Variants in LEF1 observed in about 807,000 individuals in gnomAD.
LEF1 encodes the protein lymphoid enhancer binding factor 1.
In LEF1, 14 loss-of-function variants were observed where a neutral mutation model predicts 51.2. The ratio of observed to expected loss-of-function variants is 0.27; its 90% CI spans 0.18 to 0.43. LEF1 has a LOEUF of 0.43. Ranked by LOEUF, LEF1 falls within the 20% of genes least tolerant of loss-of-function variation. The pLI is 1.00. For synonymous variants in LEF1, 185 were observed against 183.2 expected, an observed-to-expected ratio of 1.01 and a Z score of -0.08; for missense variants, 386 against 512.0, an observed-to-expected ratio of 0.75 and a Z score of 2.37.
rs1415048582 is a variant in LEF1, at chr4:108,167,616, G to C, written c.152C>G (p.Ala51Gly). Residue 51 changes from alanine (A) to glycine (G), a missense_variant, in exon 1 of 12, where the codon GCT becomes GGT. Coordinates refer to ENST00000265165, the MANE Select transcript of LEF1 (RefSeq NM_016269.5). This position sits in a 1 kb window ranked among gnomAD's most constrained non-coding sequence, Gnocchi z 5.7. ...GTTCACCAAGGAAGACTTGATGTCA[G>C]CTAAATCGCCTTCCTCTTCGGGATG... The part of the protein sequence containing the change: ...ISHPEEEGDL[A>G]DIKSSLVNES... 6.2e-7 allele frequency: 1 copy of C among 1,614,100 alleles called. No homozygotes were observed. The highest frequency in any genetic ancestry group is 8.5e-7 in the Non-Finnish European group (1 of 1,180,036).
intron 3 of LEF1, among the ~76,000 whole-genome samples, chr4:108,095,618 C>T (rs759057718): frequency 6.6e-6 from 1 of 152,110 alleles, no homozygotes; most frequent in Non-Finnish European, 1.5e-5. Flanking sequence ...ACTGATATTA[C>T]CAGAGGCAAT....
Position 108,167,511 on chromosome 4 carries a change from G to C in LEF1, c.213+44C>G. ...CCTTCCTCCCTCTCTGAGTTTCCCA[G>C]GGACCCGCCACGCCTCTCGGAACTG... On this transcript the variant is annotated intron_variant, in intron 1 of 11. Coordinates refer to ENST00000265165, the MANE Select transcript of LEF1 (RefSeq NM_016269.5). This position sits in a 1 kb window ranked among gnomAD's most constrained non-coding sequence, Gnocchi z 5.7. The C allele has an allele frequency of 6.3e-7, 1 of 1,599,968 alleles. No homozygotes were observed. The highest frequency in any genetic ancestry group is 8.5e-7 in the Non-Finnish European group (1 of 1,169,898).
chr4:108,088,979 T>C (rs1739828463), intron 4 of LEF1, 146 bp downstream of exon 4: 2 of 856,238 alleles, frequency 2.3e-6, no homozygotes, highest in Non-Finnish European at 3.8e-6. Context: ...AGAATTGCTA[T>C]CAAATGAATT....
intron 3 of LEF1, among the ~76,000 whole-genome samples, chr4:108,108,510 CT>C (rs936864527): frequency 7.2e-5 from 11 of 152,100 alleles, no homozygotes; most frequent in African/African-American, 2.7e-4. Flanking sequence ...TGTTCTCCTT[CT>C]GTATGTATAA....
chr4:108,083,418 A>C lies in LEF1; in HGVS notation c.576T>G (p.Asp192Glu). The change falls in exon 5 of 12, where the codon GAT becomes GAG. Residue 192 changes from aspartate (D) to glutamate (E), a missense_variant. Physicochemically the swap from Asp to Glu is conservative, Grantham distance 45 (BLOSUM62 2). Coordinates refer to ENST00000265165, the MANE Select transcript of LEF1 (RefSeq NM_016269.5). ...QGMSRHPPAPDIPTFYPLSPG... is the reference protein window; with the variant it reads ...QGMSRHPPAPEIPTFYPLSPG... ...GAGACAAGGGATAAAAAGTAGGGAT[A>C]TCAGGAGCTGGAGGATGTCTGGACA... is the stretch of plus-strand genomic sequence containing the variant. The C allele has an allele frequency of 6.2e-7, 1 of 1,613,582 alleles. No homozygotes were observed. Among genetic ancestry groups the C allele is most frequent in the Non-Finnish European group, 8.5e-7 (1 of 1,179,570 alleles).
intron 11 of LEF1, among the ~76,000 whole-genome samples, chr4:108,049,290 C>A (rs1736825942): frequency 6.6e-6 from 1 of 152,172 alleles, no homozygotes; most frequent in Admixed American, 6.5e-5. Context: ...TCCTTAAGAT[C>A]TTACAATTTT....
chr4:108,083,570 C>T (rs1008871617), intron 4 of LEF1, 124 bp from the exon 5 acceptor site: 1 of 601,126 alleles, frequency 1.7e-6, no homozygotes, highest in Admixed American at 3.6e-5. Flanking sequence ...TTCACCAGAT[C>T]CAAGGAACAG....
chr4:108,091,874 A>G lies in LEF1; in HGVS notation c.415-2617T>C, dbSNP rs1281561220. On this transcript the variant is annotated intron_variant, in intron 3 of 11. Coordinates refer to ENST00000265165, the MANE Select transcript of LEF1 (RefSeq NM_016269.5). ...AAATGTTAAAATCGATAGATTTCAA[A>G]TATACTTTAGAATAATGGCTTTCAG... 3.9e-5 allele frequency among the ~76,000 whole-genome samples: 6 copies of G among 152,240 alleles called. No individual in the cohort carries two copies. The South Asian group carries it at 1.0e-3, about 26-fold the overall frequency.
At position 108,099,626 on chromosome 4, in the gene LEF1, C is replaced by T. The variant is rs1462809807; in HGVS notation, c.415-10369G>A. ...TATATATATATATATATAAATAATA[C>T]TTGAAATTATGGGGTACGTGTGCAG... On this transcript the variant is annotated intron_variant, in intron 3 of 11. Coordinates refer to ENST00000265165, the MANE Select transcript of LEF1 (RefSeq NM_016269.5). Among the ~76,000 whole-genome samples, 17 of 110,794 alleles carry T rather than the reference C, an allele frequency of 1.5e-4. No individual in the cohort carries two copies. The South Asian group carries it at 2.6e-3, about 17-fold the overall frequency. 72.7% of individuals were successfully genotyped at this position (110,794 alleles called of 152,430 possible). A position where few individuals can be genotyped will look rare whatever the true frequency, so the allele number is the denominator to read the frequency against.
At chr4:108,054,125 A>C (rs1490934737) in intron 11 of LEF1, among the ~76,000 whole-genome samples, 1 of 152,164 alleles carries the variant, frequency 6.6e-6, no homozygotes, top group Non-Finnish European at 1.5e-5. Context: ...GTGGGCTCTA[A>C]GGACTGACAG....
chr4:108,064,717 T>G (rs574317963), intron 9 of LEF1, among the ~76,000 whole-genome samples: 1 of 150,006 alleles, frequency 6.7e-6, no homozygotes, highest in African/African-American at 2.5e-5. Context: ...GCTGTGGCCA[T>G]AGAGCCTTCT....
chr4:108,074,852 G>A (rs1249792953), intron 8 of LEF1, among the ~76,000 whole-genome samples: 4 of 152,240 alleles, frequency 2.6e-5, no homozygotes, highest in Admixed American at 2.6e-4. Context: ...TTAAGAATAG[G>A]AAGCATACCT....
intron 11 of LEF1, among the ~76,000 whole-genome samples, chr4:108,062,095 T>C (rs1737730331): frequency 6.6e-6 from 1 of 152,122 alleles, no homozygotes; most frequent in Admixed American, 6.5e-5. Context: ...GGGGTAGGTA[T>C]CGATATTCCC....
intron 3 of LEF1, among the ~76,000 whole-genome samples, chr4:108,121,499 C>T (rs559291678): frequency 6.6e-6 from 1 of 152,292 alleles, no homozygotes; most frequent in African/African-American, 2.4e-5. Context: ...AGGAAAAATA[C>T]AGATACCAAT....
chr4:108,142,900 C>T (rs757552196), intron 3 of LEF1, among the ~76,000 whole-genome samples: 1 of 152,172 alleles, frequency 6.6e-6, no homozygotes, highest in Non-Finnish European at 1.5e-5. Context: ...AACAAAGTCC[C>T]CTTTTCACAA....
At chr4:108,158,183 A>C (rs545621931) in intron 3 of LEF1, among the ~76,000 whole-genome samples, 2 of 152,220 alleles carry the variant, frequency 1.3e-5, no homozygotes, top group South Asian at 4.1e-4. Context: ...AGGTAATTCA[A>C]GATCATAATA....
At chr4:108,092,917 T>TAAAAAAAAAAAAAAAAAAAAAA (rs71592104) in intron 3 of LEF1, among the ~76,000 whole-genome samples, 4 of 31,142 alleles carry the variant, frequency 1.3e-4, no homozygotes, top group African/African-American at 2.0e-4. Context: ...AATGAATATG[T>TAAAAAAAAAAAAAAAAAAAAAA]AAAAAAAAAA....
At chr4:108,161,463 C>A (rs1486069583) in intron 3 of LEF1, among the ~76,000 whole-genome samples, 1 of 152,202 alleles carries the variant, frequency 6.6e-6, no homozygotes, top group Non-Finnish European at 1.5e-5. Context: ...TTTATTCTGG[C>A]CACAAATCTT....
chr4:108,138,902 T>C (rs2110367500), intron 3 of LEF1, among the ~76,000 whole-genome samples: 1 of 152,308 alleles, frequency 6.6e-6, no homozygotes, highest in East Asian at 1.9e-4. Flanking sequence ...CATGTAAACA[T>C]GAAGCCACTC....
Sources: gnomAD v4.1 joint callset for allele counts (sites outside exome capture counted in the v4.1 genomes callset) on GRCh38, gnomAD v4.1.1 for gene constraint, Gnocchi (gnomAD v3.1) non-coding constraint, MANE v1.5 for transcripts, NCBI Gene and HGNC (gene_info 2026-07-23, HGNC 2026-07-21) for gene names.